CGREF1: variants seen among roughly 807,000 people sequenced by gnomAD.
The protein encoded by CGREF1 is cell growth regulator with EF-hand domain 1, also known as cell growth regulator with EF hand domain protein 1.
A neutral mutation model predicts 17.4 loss-of-function variants in CGREF1; 16 were observed. The observed-to-expected ratio is 0.92, with a 90% CI of 0.62 to 1.40. CGREF1 has a LOEUF of 1.40. CGREF1 is among the 40% of genes most tolerant of loss of function. The pLI is 0.00. For missense variants in CGREF1, 296 were observed against 376.4 expected (o/e 0.79, Z 1.77); for synonymous variants, 142 against 154.6 (o/e 0.92, Z 0.61).
chr2:27,104,274 A>G lies in CGREF1; in HGVS notation c.80+13T>C. On this transcript the variant is annotated intron_variant, in intron 2 of 5. Coordinates refer to ENST00000402394, the MANE Select transcript of CGREF1 (RefSeq NM_006569.6). ...CCTCCCAGCCCTTGGCCCTGCCCTCATAACCCTGTTACCTTGTGACTCCAT... is the reference window on the plus strand; with the variant it reads ...CCTCCCAGCCCTTGGCCCTGCCCTCGTAACCCTGTTACCTTGTGACTCCAT... 3 of 1,544,650 alleles carry G rather than the reference A, an allele frequency of 1.9e-6. No homozygotes were observed. The highest frequency in any genetic ancestry group is 1.3e-5 in the South Asian group (1 of 78,252).
intron 1 of CGREF1, among the ~76,000 whole-genome samples, chr2:27,118,300 T>G (rs576025625): frequency 2.0e-5 from 3 of 151,708 alleles, no homozygotes; most frequent in Non-Finnish European, 4.4e-5. Context: ...TCCTGTAGAG[T>G]CGAACTGTTG....
At chr2:27,102,861 C>A (rs1670959619) in intron 2 of CGREF1, 4 of 901,838 alleles carry the variant, frequency 4.4e-6, no homozygotes, top group Non-Finnish European at 4.0e-6. Flanking sequence ...CCAGATGAGG[C>A]CACACCTAGT....
chr2:27,115,651 C>T (rs906271725), intron 1 of CGREF1, among the ~76,000 whole-genome samples: 5 of 152,168 alleles, frequency 3.3e-5, no homozygotes, highest in East Asian at 3.9e-4. Context: ...GCTCTAGAAC[C>T]TTCAGTGGCT....
chr2:27,118,427 G>A (rs936558807), intron 1 of CGREF1, among the ~76,000 whole-genome samples: 3 of 152,168 alleles, frequency 2.0e-5, no homozygotes, highest in African/African-American at 7.2e-5. Flanking sequence ...CAGGGCTAGA[G>A]GAGCCCACAC....
downstream of CGREF1, chr2:27,100,007 A>C (rs1364513797): frequency 2.8e-6 from 2 of 726,640 alleles, no homozygotes; most frequent in East Asian, 5.4e-5. Flanking sequence ...CTGGCTGGGC[A>C]TTCCTGAGGC....
chr2:27,104,677 C>T (rs1291513878), intron 1 of CGREF1: 1 of 1,550,410 alleles, frequency 6.4e-7, no homozygotes, highest in African/African-American at 1.4e-5. Context: ...CACTAGGTGC[C>T]AAGGTGCCCA....
At chr2:27,110,463 C>G (rs1558463261) in intron 1 of CGREF1, among the ~76,000 whole-genome samples, 1 of 151,634 alleles carries the variant, frequency 6.6e-6, no homozygotes, top group South Asian at 2.1e-4. Context: ...ATAAAAGAGA[C>G]TACACTTAAA....
In CGREF1 at chr2:27,102,052, T is replaced by C. The variant is rs190820364; in HGVS notation, c.342+45A>G. 7 of 1,576,058 alleles carry C rather than the reference T, an allele frequency of 4.4e-6. No homozygotes were observed. The East Asian group carries it at 1.6e-4, about 36-fold the overall frequency. Reference sequence around the variant, plus strand: ...GATGAGAAAGACCAAAGCCCCAAAGTGCTGGGTCTCCTTTATGCGGGGATC... The same window carrying C: ...GATGAGAAAGACCAAAGCCCCAAAGCGCTGGGTCTCCTTTATGCGGGGATC... On this transcript the variant is annotated intron_variant, in intron 5 of 5. Transcript: ENST00000402394.
intron 1 of CGREF1, among the ~76,000 whole-genome samples, chr2:27,109,704 G>C (rs940701039): frequency 6.6e-6 from 1 of 151,538 alleles, no homozygotes; most frequent in Admixed American, 6.6e-5. Context: ...TGACCAACAT[G>C]GAGAAACCCT....
chr2:27,116,878 T>C (rs1274706045), intron 1 of CGREF1, among the ~76,000 whole-genome samples: 7 of 36,786 alleles, frequency 1.9e-4, no homozygotes, highest in African/African-American at 3.4e-4. Context: ...CTATTCTCTC[T>C]CTCTCTCTCT....
downstream of CGREF1, chr2:27,099,970 G>T: frequency 1.0e-6 from 1 of 982,586 alleles, no homozygotes; most frequent in Non-Finnish European, 1.6e-6. Flanking sequence ...CTCAGAGCCA[G>T]CTTCTCCTCT....
At chr2:27,118,745 G>C (rs945434274) in intron 1 of CGREF1, 101 bp downstream of exon 1, 1 of 152,356 alleles carries the variant, frequency 6.6e-6, no homozygotes, top group Non-Finnish European at 1.5e-5. Flanking sequence ...GCGCTCTCGG[G>C]ATCTGGACCA....
intron 1 of CGREF1, among the ~76,000 whole-genome samples, chr2:27,113,379 C>A (rs1671460763): frequency 6.6e-6 from 1 of 152,126 alleles, no homozygotes; most frequent in Non-Finnish European, 1.5e-5. Context: ...TAAGTTTGTA[C>A]AATAAGGATA....
At position 27,101,766 on chromosome 2, in the gene CGREF1, G is replaced by A. The variant is rs757299422; in HGVS notation, c.465C>T (p.Pro155=). The part of the protein sequence containing the change: ...VALRHVEPGE[P]LAPSPQEPQA... ...GTGGCTCCTGAGGAGATGGAGCAAG[G>A]GGCTCTCCGGGCTCCACGTGCCTGA... is the stretch of plus-strand genomic sequence containing the variant. Residue 155 remains proline (P), a synonymous_variant, in exon 6 of 6, where the codon CCC becomes CCT. Coordinates refer to ENST00000402394, the MANE Select transcript of CGREF1 (RefSeq NM_006569.6). 2 of 1,614,220 alleles carry A rather than the reference G, an allele frequency of 1.2e-6. No individual in the cohort carries two copies. The highest frequency in any genetic ancestry group is 2.2e-5 in the South Asian group (2 of 91,088).
At chr2:27,099,915 G>T, downstream of CGREF1, 4 of 1,473,742 alleles carry the variant, frequency 2.7e-6, no homozygotes, top group South Asian at 4.9e-5. Flanking sequence ...AGAGGCTCTG[G>T]GGGGATGGCT....
Position 27,100,640 on chromosome 2 carries a change from CAGCACTT to C in CGREF1, c.*627_*633del, listed in dbSNP as rs1435039207. 10 of 1,089,398 alleles carry C rather than the reference CAGCACTT, an allele frequency of 9.2e-6. No individual in the cohort carries two copies. Among genetic ancestry groups the C allele is most frequent in the Non-Finnish European group, 1.2e-5 (10 of 835,432 alleles). 67.5% of individuals were successfully genotyped at this position (1,089,398 alleles called of 1,614,324 possible). A position where few individuals can be genotyped will look rare whatever the true frequency, so the allele number is the denominator to read the frequency against. On this transcript the variant is annotated 3_prime_UTR_variant, in exon 6 of 6. Transcript: ENST00000402394. The stretch of plus-strand genomic sequence containing the variant: ...ATTAGCTGCATATCACCTTAGGGTA[CAGCACTT>C]AACGCAATCTGCCTCAATTTCTTCA...
chr2:27,116,452 A>G (rs568674487), intron 1 of CGREF1, among the ~76,000 whole-genome samples: 1 of 151,722 alleles, frequency 6.6e-6, no homozygotes, highest in Admixed American at 6.6e-5. Context: ...GCTTGAACCC[A>G]GGAGGCAGAG....
At chr2:27,113,901 C>T (rs1245259939) in intron 1 of CGREF1, among the ~76,000 whole-genome samples, 3 of 151,898 alleles carry the variant, frequency 2.0e-5, no homozygotes, top group South Asian at 2.1e-4. Context: ...GGACCCAGGC[C>T]GACAGGAGGC....
At chr2:27,107,271 T>TTTGTTTTGTTTTGTC (rs1671157456) in intron 1 of CGREF1, among the ~76,000 whole-genome samples, 1 of 151,890 alleles carries the variant, frequency 6.6e-6, no homozygotes, top group African/African-American at 2.4e-5. Context: ...TTTGTTTTGT[T>TTTGTTTTGTTTTGTC]TGAGAGAGGG....
Sources: gnomAD v4.1 joint callset for allele counts (sites outside exome capture counted in the v4.1 genomes callset) on GRCh38, gnomAD v4.1.1 for gene constraint, MANE v1.5 for transcripts, NCBI Gene and HGNC (gene_info 2026-07-23, HGNC 2026-07-21) for gene names.